The following WDHD1 variants were observed in gnomAD, a reference collection of about 807,000 sequenced individuals.
WDHD1 encodes WD repeat and HMG-box DNA-binding protein 1.
In WDHD1, 111 loss-of-function variants were observed where a neutral mutation model predicts 135.4. The ratio of observed to expected loss-of-function variants is 0.82; its 90% CI spans 0.70 to 0.96. WDHD1 has a LOEUF of 0.96. Ranked by LOEUF, WDHD1 falls within the 40% of genes least tolerant of loss-of-function variation. The pLI is 0.00. For synonymous variants in WDHD1, 434 were observed against 439.0 expected (o/e 0.99, Z 0.14); for missense variants, 1,351 against 1,336.3 (o/e 1.01, Z -0.17).
intron 16 of WDHD1, among the ~76,000 whole-genome samples, chr14:54,974,291 G>T (rs373645648): frequency 2.0e-5 from 3 of 151,840 alleles, no homozygotes; most frequent in African/African-American, 7.3e-5. Context: ...AAATTTGCTA[G>T]GCATGGCAGC....
In WDHD1 at chr14:54,969,508, T is replaced by G. The variant is rs371126586; in HGVS notation, c.2064-2114A>C. Among the ~76,000 whole-genome samples, 15 of 152,212 alleles carry G rather than the reference T, an allele frequency of 9.9e-5. No individual in the cohort carries two copies. The East Asian group carries it at 1.9e-3, about 20-fold the overall frequency. ...CTGGAAACATAAAACTTCCCAAGAC[T>G]GACTCAGAAAAAACAGAAATTCTGA... On this transcript the variant is annotated intron_variant, in intron 16 of 25. Coordinates refer to ENST00000360586, the MANE Select transcript of WDHD1 (RefSeq NM_007086.4).
intron 2 of WDHD1, among the ~76,000 whole-genome samples, chr14:55,023,690 A>G (rs919404967): frequency 1.3e-5 from 2 of 152,256 alleles, no homozygotes; most frequent in South Asian, 4.1e-4. Flanking sequence ...CAAACTGCTC[A>G]TGAGCATCAT....
chr14:54,952,786 A>G (rs2041082605), intron 24 of WDHD1, among the ~76,000 whole-genome samples: 1 of 152,228 alleles, frequency 6.6e-6, no homozygotes, highest in Non-Finnish European at 1.5e-5. Context: ...GATACAGACC[A>G]ATGGAACAGA....
rs761968590 is a variant in WDHD1 at position 55,000,948 on chromosome 14, A to C, written c.738T>G (p.Ala246=). The C allele has an allele frequency of 6.3e-7, 1 of 1,595,054 alleles. No individual in the cohort carries two copies. Among genetic ancestry groups the C allele is most frequent in the Non-Finnish European group, 8.5e-7 (1 of 1,171,718 alleles). ...TGATTAGACCATTAATACTACCTGC[A>C]GCTAAATATTGCCCACAGGGAGACC... is the stretch of plus-strand genomic sequence containing the variant. ...VTWSPCGQYL[A]AGSINGLIIV... The change falls in exon 9 of 26, where the codon GCT becomes GCG. Residue 246 remains alanine, a synonymous_variant. Transcript: ENST00000360586.
chr14:54,967,354 G>T lies in WDHD1; in HGVS notation c.2104C>A (p.Pro702Thr), dbSNP rs748778959. The stretch of plus-strand genomic sequence containing the variant: ...GATAATATAGCAACAGCAGGGCGTG[G>T]AAGGGTTGGGGGAAACCGAGAACCT... ...CKGSRFPPTLPRPAVAILSFK... is the reference protein window; with the variant it reads ...CKGSRFPPTLTRPAVAILSFK... The change falls in exon 17 of 26, where the codon CCA becomes ACA. Residue 702 changes from proline (P) to threonine (T), a missense_variant. Pro to Thr is a conservative substitution (Grantham distance 38). This residue lies in a region of WDHD1 where 1,330 missense variants were observed against 1,296.1 expected (regional missense o/e 1.03). Transcript: ENST00000360586. 11 of 1,612,504 alleles carry T rather than the reference G, an allele frequency of 6.8e-6. No homozygotes were observed. Among genetic ancestry groups the T allele is most frequent in the South Asian group, 4.4e-5 (4 of 91,024 alleles).
At chr14:54,991,619 G>C (rs1215129079) in intron 11 of WDHD1, among the ~76,000 whole-genome samples, 2 of 152,082 alleles carry the variant, frequency 1.3e-5, no homozygotes, top group East Asian at 3.9e-4. Flanking sequence ...GCACCTAACT[G>C]TATTAGTCGT....
chr14:54,941,857 G>A (rs551103691), intron 25 of WDHD1, among the ~76,000 whole-genome samples, 167 bp from the exon 26 acceptor site: 7 of 152,186 alleles, frequency 4.6e-5, no homozygotes, highest in African/African-American at 1.7e-4. Flanking sequence ...CTTAAATGCA[G>A]AGCACATTAA....
In WDHD1 at chr14:54,982,957, G is replaced by A. The variant is rs188861738; in HGVS notation, c.1907-1261C>T. Among the ~76,000 whole-genome samples the A allele has an allele frequency of 7.0e-4, 107 of 152,198 alleles. No individual in the cohort carries two copies. The East Asian group carries it at 0.015, about 21-fold the overall frequency. The stretch of plus-strand genomic sequence containing the variant: ...AGGCAGGTGGATCACCTGATGCCAG[G>A]AGTTCAAAACCAGCCTAGCCAACAT... On this transcript the variant is annotated intron_variant, in intron 15 of 25. Coordinates refer to ENST00000360586, the MANE Select transcript of WDHD1 (RefSeq NM_007086.4).
intron 12 of WDHD1, 71 bp from the exon 13 acceptor site, chr14:54,989,283 T>G (rs1281191611): frequency 5.5e-6 from 6 of 1,086,320 alleles, no homozygotes; most frequent in Non-Finnish European, 7.8e-6. Flanking sequence ...GCCACAGTAG[T>G]ACAAATTAAC....
At chr14:54,951,213 G>A (rs1046467020) in intron 24 of WDHD1, among the ~76,000 whole-genome samples, 1 of 151,690 alleles carries the variant, frequency 6.6e-6, no homozygotes, top group African/African-American at 2.4e-5. Flanking sequence ...CCAGGAGCTG[G>A]TTTTTTGAAA....
At position 54,986,919 on chromosome 14, in the gene WDHD1, G is replaced by A. The variant is rs558655194; in HGVS notation, c.1768+227C>T. Among the ~76,000 whole-genome samples, 30 of 152,268 alleles carry A rather than the reference G, an allele frequency of 2.0e-4. No individual in the cohort carries two copies. In the South Asian group the frequency reaches 6.2e-3, roughly 32 times the overall value. On this transcript the variant is annotated intron_variant, in intron 14 of 25. Transcript: ENST00000360586. ...AAAATGGTAAGATTTAGACATGGAA[G>A]TAATTAACCAAATTCCACCTTGGAA...
chr14:54,944,172 G>A (rs898981609), intron 25 of WDHD1, among the ~76,000 whole-genome samples, 160 bp downstream of exon 25: 3 of 151,766 alleles, frequency 2.0e-5, no homozygotes, highest in African/African-American at 7.3e-5. Context: ...ATGTTGCCCA[G>A]GCTGGTCACG....
chr14:54,982,017 T>A (rs541954490), intron 15 of WDHD1, among the ~76,000 whole-genome samples: 51 of 151,722 alleles, frequency 3.4e-4, no homozygotes, highest in East Asian at 3.3e-3. Flanking sequence ...TATTATTATT[T>A]TTTTTTTCGA....
At chr14:54,969,461 T>C (rs563006788) in intron 16 of WDHD1, among the ~76,000 whole-genome samples, 1 of 150,846 alleles carries the variant, frequency 6.6e-6, no homozygotes, top group Admixed American at 6.6e-5. Context: ...GCAAAGAAAA[T>C]CTAGAGGAAA....
intron 14 of WDHD1, among the ~76,000 whole-genome samples, chr14:54,985,707 T>C (rs1176334699): frequency 6.6e-6 from 1 of 152,222 alleles, no homozygotes; most frequent in Non-Finnish European, 1.5e-5. Context: ...GTTAGGAGGC[T>C]ACTATGACAG....
rs918588482 is a variant in WDHD1 at position 54,957,477 on chromosome 14, C to T, written c.2745+115G>A. ...CAAGTGCTGCTTTCTTCTGTTTCCA[C>T]ACAGATCAGTCTTTCATGCCTCCAA... On this transcript the variant is annotated intron_variant, in intron 22 of 25. Coordinates refer to ENST00000360586, the MANE Select transcript of WDHD1 (RefSeq NM_007086.4). 7.0e-6 allele frequency: 7 copies of T among 997,098 alleles called. No individual in the cohort carries two copies. The African/African-American group carries it at 9.9e-5, about 14-fold the overall frequency. 61.8% of individuals were successfully genotyped at this position (997,098 alleles called of 1,614,324 possible).
chr14:54,957,697 T>C (rs369381589), intron 21 of WDHD1, 62 bp from the exon 22 acceptor site: 738 of 1,355,122 alleles, frequency 5.4e-4, no homozygotes, highest in Non-Finnish European at 7.1e-4. Context: ...CTGACATCTA[T>C]AATACTAGAC....
chr14:54,952,112 G>A (rs1751717845), intron 24 of WDHD1, among the ~76,000 whole-genome samples: 2 of 152,120 alleles, frequency 1.3e-5, no homozygotes, highest in African/African-American at 4.8e-5. Context: ...CACCACTTCT[G>A]TTCAACATAG....
At chr14:54,989,301 A>G (rs2041747138) in intron 12 of WDHD1, 89 bp from the exon 13 acceptor site, 2 of 948,172 alleles carry the variant, frequency 2.1e-6, no homozygotes, top group South Asian at 3.8e-5. Flanking sequence ...AACAAATATT[A>G]TAATTAAATT....
Sources: gnomAD v4.1 joint callset for allele counts (sites outside exome capture counted in the v4.1 genomes callset) on GRCh38, gnomAD v4.1.1 for gene constraint, gnomAD v4.1.1 regional missense constraint, MANE v1.5 for transcripts, NCBI Gene and HGNC (gene_info 2026-07-23, HGNC 2026-07-21) for gene names.